The following PCDHA7 variants were observed in gnomAD, a reference collection of about 807,000 sequenced individuals.
PCDHA7 encodes the protein protocadherin alpha-7.
Under a neutral mutation model 57.2 loss-of-function variants are expected in PCDHA7, and 37 were observed. The observed-to-expected ratio is 0.65, with a 90% CI of 0.50 to 0.85. PCDHA7 has a LOEUF of 0.85. Ranked by LOEUF, PCDHA7 falls within the 40% of genes least tolerant of loss-of-function variation. The pLI, the probability that PCDHA7 is intolerant of heterozygous loss-of-function variation, is 0.00. For synonymous variants in PCDHA7, 553 were observed against 558.8 expected (o/e 0.99, Z 0.15); for missense variants, 1,188 against 1,241.8 (o/e 0.96, Z 0.65).
intron 3 of PCDHA7, among the ~76,000 whole-genome samples, chr5:141,001,096 A>T (rs919555319): frequency 1.3e-5 from 2 of 152,130 alleles, no homozygotes; most frequent in Admixed American, 1.3e-4. Flanking sequence ...AAACTGTCTA[A>T]TCCATAATAA....
In PCDHA7 at chr5:141,010,929, T is replaced by G. The variant is rs782088449; in HGVS notation, c.*992T>G. 1 of 153,778 alleles carries G rather than the reference T, an allele frequency of 6.5e-6. No homozygotes were observed. Among genetic ancestry groups the G allele is most frequent in the Non-Finnish European group, 1.5e-5 (1 of 68,048 alleles). 9.5% of individuals were successfully genotyped at this position (153,778 alleles called of 1,614,324 possible). A position where few individuals can be genotyped will look rare whatever the true frequency, so the allele number is the denominator to read the frequency against. ...AAACTCTCCTCAAAAGAGAATTCAG[T>G]CTACAGCCATTTAAATGATCATTGC... On this transcript the variant is annotated 3_prime_UTR_variant, in exon 4 of 4. Transcript: ENST00000525929.
chr5:140,927,349 G>A (rs782650880), intron 1 of PCDHA7: 3 of 1,614,016 alleles, frequency 1.9e-6, no homozygotes, highest in Admixed American at 1.7e-5. Context: ...AGATGACGAC[G>A]AGGGAAGCAA....
At position 140,836,560 on chromosome 5, in the gene PCDHA7, C is replaced by T. The variant is rs2150264075; in HGVS notation, c.2177C>T (p.Pro726Leu). 2 of 1,613,740 alleles carry T rather than the reference C, an allele frequency of 1.2e-6. No homozygotes were observed. Among genetic ancestry groups the T allele is most frequent in the South Asian group, 1.1e-5 (1 of 91,072 alleles). ...TACACGGCGTTGCGGTGCTCAGCGC[C>T]GTCCTCTGAGGGCGCATGTAGTTTG... ...LLYTALRCSA[P>L]SSEGACSLVK... The change falls in exon 1 of 4, where the codon CCG becomes CTG. Residue 726 changes from proline to leucine, a missense_variant. Transcript: ENST00000525929.
At chr5:140,875,886 A>C (rs201813340) in intron 1 of PCDHA7, 1 of 1,614,176 alleles carries the variant, frequency 6.2e-7, no homozygotes, top group Non-Finnish European at 8.5e-7. Flanking sequence ...AAAGGGAACA[A>C]AAGGTACCTG....
intron 1 of PCDHA7, chr5:140,850,527 T>C: frequency 6.3e-7 from 1 of 1,598,028 alleles, no homozygotes; most frequent in Non-Finnish European, 8.6e-7. Flanking sequence ...GGCGCCAAAG[T>C]CATCGTCGCG....
At chr5:140,925,969 A>C (rs2082842050) in intron 1 of PCDHA7, among the ~76,000 whole-genome samples, 1 of 152,172 alleles carries the variant, frequency 6.6e-6, no homozygotes, top group African/African-American at 2.4e-5. Context: ...TCACGCAAAA[A>C]AAAAGCCTTG....
At chr5:140,919,653 C>T (rs917457975) in intron 1 of PCDHA7, among the ~76,000 whole-genome samples, 1 of 152,158 alleles carries the variant, frequency 6.6e-6, no homozygotes, top group South Asian at 2.1e-4. Context: ...CTAGAGTTTA[C>T]CATATATATT....
intron 3 of PCDHA7, among the ~76,000 whole-genome samples, chr5:140,996,673 T>C (rs2097737293): frequency 6.6e-6 from 1 of 152,200 alleles, no homozygotes; most frequent in African/African-American, 2.4e-5. Context: ...TTTTGAACCA[T>C]GTTGGGCTAG....
chr5:140,999,368 A>G (rs549083218), intron 3 of PCDHA7, among the ~76,000 whole-genome samples: 1 of 152,280 alleles, frequency 6.6e-6, no homozygotes, highest in African/African-American at 2.4e-5. Context: ...TCACAATCCC[A>G]TTAGATGGTT....
intron 1 of PCDHA7, among the ~76,000 whole-genome samples, chr5:140,963,912 A>C (rs2095797972): frequency 6.6e-6 from 1 of 152,246 alleles, no homozygotes. Flanking sequence ...AGTGAAGCTT[A>C]GGCTAAGTAA....
rs2150482773 is a variant in PCDHA7, at chr5:140,850,408, A to G, written c.2355+13670A>G. The G allele has an allele frequency of 6.3e-6, 10 of 1,597,776 alleles. 1 individual carries two copies. The South Asian group carries it at 9.9e-5, about 16-fold the overall frequency. ...GAGATCAGCACAACGCGTGCCCTGG[A>G]CGAAACGGACGCACCGCGCCAGCGC... On this transcript the variant is annotated intron_variant, in intron 1 of 3. Coordinates refer to ENST00000525929, the MANE Select transcript of PCDHA7 (RefSeq NM_018910.3).
rs2150249668 is a variant in PCDHA7, at chr5:140,835,989, AGCGCGCGCGATGCG to A, written c.1608_1621del (p.Ser536ArgfsTer58). 2.5e-6 allele frequency: 4 copies of A among 1,613,288 alleles called. No homozygotes were observed. ...GCTGGAGCTGTTGCAGTTCCAGGTGAGCGCGCGCGATGCGGGCGTGCCGCCTCTGGGCAGCAACG... is the reference window on the plus strand; with the variant it reads ...GCTGGAGCTGTTGCAGTTCCAGGTGAGGCGTGCCGCCTCTGGGCAGCAACG... On this transcript the variant is annotated frameshift_variant, in exon 1 of 4. Transcript: ENST00000525929. LOFTEE classifies it high-confidence loss of function.
chr5:140,835,572 T>G lies in PCDHA7; in HGVS notation c.1189T>G (p.Leu397Val), dbSNP rs2150238543. The G allele has an allele frequency of 3.1e-6, 5 of 1,613,896 alleles. 1 individual carries two copies. In the South Asian group the frequency reaches 5.5e-5, roughly 18 times the overall value. Reference protein sequence around the residue: ...CSLTPRVPFKLVSTFKNYYSL... With the variant: ...CSLTPRVPFKVVSTFKNYYSL... ...CCTGACGCCCCGCGTTCCCTTCAAG[T>G]TGGTGTCCACCTTCAAGAATTACTA... Residue 397 changes from leucine (L) to valine (V), a missense_variant, in exon 1 of 4, where the codon TTG (leucine) becomes GTG (valine). By Grantham distance (32) the Leu-to-Val change is conservative. Around this residue, in one of 3 missense-constraint regions of PCDHA7, gnomAD observed 892 missense variants for 788.5 expected, o/e 1.13. Transcript: ENST00000525929.
At position 140,871,233 on chromosome 5, in the gene PCDHA7, G is replaced by A. The variant is rs1277389723; in HGVS notation, c.2355+34495G>A. 5 of 1,613,838 alleles carry A rather than the reference G, an allele frequency of 3.1e-6. No individual in the cohort carries two copies. The African/African-American group carries it at 6.7e-5, about 22-fold the overall frequency. On this transcript the variant is annotated intron_variant, in intron 1 of 3. Transcript: ENST00000525929. ...CCATCTGCGTGGTGTCCAGCCTCCT[G>A]GTACTCACGCTGCTGCTGTATACGG...
Position 140,834,414 on chromosome 5 carries a change from G to T in PCDHA7, c.31G>T (p.Gly11Cys). The change falls in exon 1 of 4, where the codon GGC becomes TGC. Residue 11 changes from glycine (G) to cysteine (C), a missense_variant. Physicochemically the swap from Gly to Cys is radical, Grantham distance 159. Around this residue, in one of 3 missense-constraint regions of PCDHA7, gnomAD observed 194 missense variants for 185.8 expected, o/e 1.04. Transcript: ENST00000525929. ...GTGCCCGAATGGATACGACCCAGGG[G>T]GCCGACATCTACTGCTGTTTATTAT... MVCPNGYDPG[G>C]RHLLLFIIIL... 1 of 1,611,396 alleles carries T rather than the reference G, an allele frequency of 6.2e-7. No homozygotes were observed.
chr5:140,843,572 T>C, intron 1 of PCDHA7: 2 of 1,595,854 alleles, frequency 1.3e-6, no homozygotes, highest in Non-Finnish European at 1.7e-6. Context: ...CTGGTCATAC[T>C]CGCAACAACA....
intron 1 of PCDHA7, chr5:140,848,644 A>C: frequency 6.3e-7 from 1 of 1,593,184 alleles, no homozygotes; most frequent in Non-Finnish European, 8.6e-7. Flanking sequence ...CGCATCGCGC[A>C]GGACCTGGGG....
rs2150477897 is a variant in PCDHA7, at chr5:140,850,290, G to A, written c.2355+13552G>A. Reference sequence around the variant, plus strand: ...GGTGGGGAAGGTGCGCGCAGTGGACGCCGACTCGGGCTACAACGCGTGGCT... The same window carrying A: ...GGTGGGGAAGGTGCGCGCAGTGGACACCGACTCGGGCTACAACGCGTGGCT... On this transcript the variant is annotated intron_variant, in intron 1 of 3. Coordinates refer to ENST00000525929, the MANE Select transcript of PCDHA7 (RefSeq NM_018910.3). 4.4e-6 allele frequency: 7 copies of A among 1,595,816 alleles called. 1 individual carries two copies. The highest frequency in any genetic ancestry group is 6.0e-6 in the Non-Finnish European group (7 of 1,167,570).
At chr5:140,859,508 T>A (rs1298997050) in intron 1 of PCDHA7, 1 of 197,594 alleles carries the variant, frequency 5.1e-6, no homozygotes, top group Non-Finnish European at 1.0e-5. Flanking sequence ...CTGATACCCA[T>A]GATTTCATTT....
Sources: allele counts gnomAD v4.1 joint callset (sites outside exome capture counted in the v4.1 genomes callset), GRCh38; gene constraint gnomAD v4.1.1; regional missense constraint gnomAD v4.1.1; transcripts MANE v1.5; gene names NCBI Gene and HGNC (gene_info 2026-07-23, HGNC 2026-07-21).